LRMDA: variants seen among roughly 807,000 people sequenced by gnomAD.
LRMDA encodes leucine-rich melanocyte differentiation-associated protein.
In LRMDA, 18 loss-of-function variants were observed where a neutral mutation model predicts 29.8. That is an observed-to-expected ratio of 0.60 (90% CI 0.42 to 0.90). The LOEUF is 0.90. LRMDA is among the 40% of genes least tolerant of loss of function. The pLI, the probability that LRMDA is intolerant of heterozygous loss-of-function variation, is 0.00. For missense variants in LRMDA, 273 were observed against 273.9 expected (o/e 1.00, Z 0.02); for synonymous variants, 125 against 109.4 (o/e 1.14, Z -0.89).
At chr10:75,889,695 G>A (rs142236509) in intron 2 of LRMDA, among the ~76,000 whole-genome samples, 19 of 152,278 alleles carry the variant, frequency 1.2e-4, no homozygotes, top group African/African-American at 4.1e-4. Flanking sequence ...AAACAAATCC[G>A]GTTGCAGCTC....
At chr10:75,440,084 C>T (rs1407471385) in intron 2 of LRMDA, among the ~76,000 whole-genome samples, 1 of 151,174 alleles carries the variant, frequency 6.6e-6, no homozygotes. Flanking sequence ...GGAAACACAG[C>T]CATCTTTGTG....
intron 6 of LRMDA, among the ~76,000 whole-genome samples, chr10:76,334,893 A>G (rs1840949051): frequency 6.6e-6 from 1 of 152,188 alleles, no homozygotes; most frequent in Non-Finnish European, 1.5e-5. Context: ...GCCTTCAGGA[A>G]TCCTACAGTC....
chr10:75,919,439 T>C (rs1448112562), intron 2 of LRMDA, among the ~76,000 whole-genome samples: 1 of 152,184 alleles, frequency 6.6e-6, no homozygotes, highest in African/African-American at 2.4e-5. Flanking sequence ...GCAGGTGCAA[T>C]TGGAGCATAC....
At chr10:76,554,139 T>G (rs547975851) in intron 6 of LRMDA, among the ~76,000 whole-genome samples, 58 of 152,258 alleles carry the variant, frequency 3.8e-4, no homozygotes, top group African/African-American at 1.3e-3. Flanking sequence ...AGTTTTGTAA[T>G]GATGTCTGGG....
intron 2 of LRMDA, among the ~76,000 whole-genome samples, chr10:75,531,959 T>C (rs1342104494): frequency 6.8e-6 from 1 of 146,968 alleles, no homozygotes; most frequent in Non-Finnish European, 1.5e-5. Flanking sequence ...GGTGGGAGGA[T>C]CACTCGAGCC....
intron 2 of LRMDA, among the ~76,000 whole-genome samples, chr10:75,730,718 G>A (rs1939960460): frequency 6.6e-6 from 1 of 152,158 alleles, no homozygotes; most frequent in Admixed American, 6.5e-5. Flanking sequence ...TTGATTGTCT[G>A]ATGAATTATG....
At chr10:75,913,462 A>G (rs936742688) in intron 2 of LRMDA, among the ~76,000 whole-genome samples, 15 of 151,284 alleles carry the variant, frequency 9.9e-5, no homozygotes, top group Middle Eastern at 3.4e-3. Flanking sequence ...TCTTGGGGGG[A>G]AAAAAAATTC....
chr10:75,552,657 C>T, intron 2 of LRMDA: 2 of 354,632 alleles, frequency 5.6e-6, no homozygotes, highest in Non-Finnish European at 1.1e-5. Context: ...TCTCTTCAAA[C>T]TTTTTTTTTC....
At chr10:75,891,199 C>T (rs1195979000) in intron 2 of LRMDA, among the ~76,000 whole-genome samples, 1 of 152,112 alleles carries the variant, frequency 6.6e-6, no homozygotes, top group African/African-American at 2.4e-5. Flanking sequence ...TGCCAGGAAG[C>T]TGTTGAGAGG....
In LRMDA at chr10:76,014,128, A is replaced by ATATATATATATATATAAAAT. The variant is rs1554840719; in HGVS notation, c.132-21863_132-21862insAATTATATATATATATATAA. ...AAAGTATATATATATATATATAATT[A>ATATATATATATATATAAAAT]TATATATATATATATAATTATATAT... On this transcript the variant is annotated intron_variant, in intron 2 of 6. Transcript: ENST00000611255. Among the ~76,000 whole-genome samples, 22 of 94,886 alleles carry ATATATATATATATATAAAAT rather than the reference A, an allele frequency of 2.3e-4. 1 individual carries two copies. Among genetic ancestry groups the ATATATATATATATATAAAAT allele is most frequent in the Non-Finnish European group, 3.3e-4 (17 of 51,252 alleles). 62.2% of individuals were successfully genotyped at this position (94,886 alleles called of 152,430 possible).
chr10:76,228,499 C>T (rs1199039722), intron 5 of LRMDA, among the ~76,000 whole-genome samples: 1 of 152,002 alleles, frequency 6.6e-6, no homozygotes, highest in Non-Finnish European at 1.5e-5. Flanking sequence ...GTTTTTCAGA[C>T]AGTTTGGGGT....
intron 5 of LRMDA, among the ~76,000 whole-genome samples, chr10:76,187,742 C>G (rs556431798): frequency 1.3e-5 from 2 of 152,296 alleles, no homozygotes; most frequent in East Asian, 3.9e-4. Flanking sequence ...GGAGACAGAT[C>G]TTACTTCTGT....
intron 6 of LRMDA, among the ~76,000 whole-genome samples, chr10:76,544,701 T>C (rs1843397844): frequency 7.5e-6 from 1 of 133,832 alleles, no homozygotes; most frequent in Admixed American, 8.2e-5. Flanking sequence ...TACATTTACA[T>C]ATATACATGC....
chr10:75,782,694 A>C (rs1259308255), intron 2 of LRMDA: 5 of 1,230,712 alleles, frequency 4.1e-6, no homozygotes, highest in African/African-American at 1.5e-5. Context: ...AGTAGAGTCA[A>C]CATAAAGCCA....
chr10:75,711,220 G>C (rs1208516216), intron 2 of LRMDA, among the ~76,000 whole-genome samples: 1 of 152,156 alleles, frequency 6.6e-6, no homozygotes, highest in Non-Finnish European at 1.5e-5. Context: ...GTGCCCATCT[G>C]TTGGACAAGG....
At chr10:76,538,451 CATATATATGTAT>C (rs1343668953) in intron 6 of LRMDA, among the ~76,000 whole-genome samples, 3 of 140,896 alleles carry the variant, frequency 2.1e-5, no homozygotes, top group Admixed American at 7.2e-5. Context: ...GGATATCTTG[CATATATATGTAT>C]ATATATATGT....
chr10:76,243,723 G>C (rs1039484618), intron 5 of LRMDA, among the ~76,000 whole-genome samples: 1 of 152,176 alleles, frequency 6.6e-6, no homozygotes, highest in Non-Finnish European at 1.5e-5. Context: ...GAAAGGGCAG[G>C]AAATAATCTG....
At chr10:76,474,939 G>T (rs1429788122) in intron 6 of LRMDA, among the ~76,000 whole-genome samples, 1 of 151,738 alleles carries the variant, frequency 6.6e-6, no homozygotes, top group Non-Finnish European at 1.5e-5. Context: ...ATTCATAATA[G>T]TCAAAGAGTG....
At chr10:76,144,330 A>C (rs1850267752) in intron 5 of LRMDA, among the ~76,000 whole-genome samples, 1 of 152,116 alleles carries the variant, frequency 6.6e-6, no homozygotes, top group Admixed American at 6.5e-5. Context: ...ATGAGCTTGG[A>C]ATGTTCTTCC....
Sources: gnomAD v4.1 joint callset for allele counts (sites outside exome capture counted in the v4.1 genomes callset) on GRCh38, gnomAD v4.1.1 for gene constraint, MANE v1.5 for transcripts, NCBI Gene and HGNC (gene_info 2026-07-23, HGNC 2026-07-21) for gene names.